Variants in PCDHGB2 observed in about 807,000 individuals in gnomAD.
PCDHGB2 encodes the protein protocadherin gamma-B2.
PCDHGB2 carries 55 observed loss-of-function variants against 59.3 expected under a neutral mutation model. That is an observed-to-expected ratio of 0.93 (90% CI 0.75 to 1.16). The LOEUF is 1.16. PCDHGB2 is among the 50% of genes most tolerant of loss of function. PCDHGB2 has a pLI of 0.00. For synonymous variants in PCDHGB2, 516 were observed against 512.0 expected, an observed-to-expected ratio of 1.01 and a Z score of -0.11; for missense variants, 1,228 against 1,198.5, an observed-to-expected ratio of 1.02 and a Z score of -0.36.
Position 141,375,827 on chromosome 5 carries a change from G to T in PCDHGB2, c.2421+13271G>T, listed in dbSNP as rs779058063. On this transcript the variant is annotated intron_variant, in intron 1 of 3. Transcript: ENST00000522605. ...TGGCGTGGAGCTGGCGCCCCGCTCC[G>T]CAGAGCCCGGCTACCTGGTGACCAA... The T allele has an allele frequency of 4.3e-6, 7 of 1,614,136 alleles. No individual in the cohort carries two copies. The highest frequency in any genetic ancestry group is 2.7e-5 in the African/African-American group (2 of 75,070).
rs781026604 is a variant in PCDHGB2, at chr5:141,490,471, C to G, written c.2422-4336C>G. ...CCACTACTCGCTGCTAACCAGCCAG[C>G]CTTTGGACCGGGAGGCCACATCCCA... On this transcript the variant is annotated intron_variant, in intron 1 of 3. Coordinates refer to ENST00000522605, the MANE Select transcript of PCDHGB2 (RefSeq NM_018923.3). The surrounding 1 kb of genome is among the most constrained non-coding windows in gnomAD (Gnocchi z 5.4). 12 of 1,614,096 alleles carry G rather than the reference C, an allele frequency of 7.4e-6. No homozygotes were observed. The highest frequency in any genetic ancestry group is 1.1e-5 in the South Asian group (1 of 91,092).
chr5:141,400,314 C>G (rs764415393), intron 1 of PCDHGB2: 1 of 1,614,078 alleles, frequency 6.2e-7, no homozygotes, highest in Non-Finnish European at 8.5e-7. Flanking sequence ...GTCTCTGTGT[C>G]AAGTCTGGAC....
chr5:141,414,124 G>C, intron 1 of PCDHGB2: 1 of 1,592,872 alleles, frequency 6.3e-7, no homozygotes, highest in Non-Finnish European at 8.6e-7. Context: ...TGAAGAAACC[G>C]GTTTCTATGA....
At chr5:141,435,334 T>C (rs1223377462) in intron 1 of PCDHGB2, among the ~76,000 whole-genome samples, 1 of 152,196 alleles carries the variant, frequency 6.6e-6, no homozygotes, top group East Asian at 1.9e-4. Context: ...ATATAGTGAA[T>C]TTATTTCTTC....
At chr5:141,474,557 G>T (rs1261720500) in intron 1 of PCDHGB2, among the ~76,000 whole-genome samples, 2 of 152,184 alleles carry the variant, frequency 1.3e-5, no homozygotes, top group Admixed American at 1.3e-4. Context: ...AAAACTGGGG[G>T]TTTTCAGAGA....
chr5:141,487,771 T>C lies in PCDHGB2; in HGVS notation c.2422-7036T>C. The C allele has an allele frequency of 1.3e-6, 2 of 1,537,446 alleles. No homozygotes were observed. Among genetic ancestry groups the C allele is most frequent in the South Asian group, 2.4e-5 (2 of 82,456 alleles). ...ACTATGTGGTAGACGCTGTGCTTTGTAACTGTTTCGTGAATTAACCAGAGT... is the reference window on the plus strand; with the variant it reads ...ACTATGTGGTAGACGCTGTGCTTTGCAACTGTTTCGTGAATTAACCAGAGT... On this transcript the variant is annotated intron_variant, in intron 1 of 3. Coordinates refer to ENST00000522605, the MANE Select transcript of PCDHGB2 (RefSeq NM_018923.3). This position sits in a 1 kb window ranked among gnomAD's most constrained non-coding sequence, Gnocchi z 5.0.
At position 141,491,561 on chromosome 5, in the gene PCDHGB2, A is replaced by C. The variant is rs1289732955; in HGVS notation, c.2422-3246A>C. The C allele has an allele frequency of 1.2e-6, 2 of 1,613,938 alleles. No homozygotes were observed. Among genetic ancestry groups the C allele is most frequent in the Admixed American group, 3.3e-5 (2 of 60,016 alleles). On this transcript the variant is annotated intron_variant, in intron 1 of 3. Transcript: ENST00000522605. This position sits in a 1 kb window ranked among gnomAD's most constrained non-coding sequence, Gnocchi z 6.9. ...CCCACAGACTCGCAGAGCCACTGCT[A>C]CAGGACGTGCTTTTCACCGGCCTCG...
intron 1 of PCDHGB2, chr5:141,415,563 T>G: frequency 1.2e-6 from 2 of 1,614,168 alleles, no homozygotes; most frequent in Non-Finnish European, 1.7e-6. Flanking sequence ...ATCCTTTGTC[T>G]TTGTTAGATG....
intron 1 of PCDHGB2, among the ~76,000 whole-genome samples, chr5:141,407,776 A>G (rs1248399145): frequency 2.0e-5 from 3 of 152,234 alleles, no homozygotes; most frequent in Non-Finnish European, 4.4e-5. Context: ...TGTGCATAAT[A>G]GATTTATTTA....
Position 141,432,488 on chromosome 5 carries a change from C to G in PCDHGB2, c.2422-62319C>G. 6.2e-7 allele frequency: 1 copy of G among 1,614,202 alleles called. No homozygotes were observed. Among genetic ancestry groups the G allele is most frequent in the Non-Finnish European group, 8.5e-7 (1 of 1,180,048 alleles). On this transcript the variant is annotated intron_variant, in intron 1 of 3. Coordinates refer to ENST00000522605, the MANE Select transcript of PCDHGB2 (RefSeq NM_018923.3). This position sits in a 1 kb window ranked among gnomAD's most constrained non-coding sequence, Gnocchi z 6.0. ...CACGGACGGTTCCACTGGCGTGGAGCTGGCTCCCCGCTCCGCAGAGCCCGG... is the reference window on the plus strand; with the variant it reads ...CACGGACGGTTCCACTGGCGTGGAGGTGGCTCCCCGCTCCGCAGAGCCCGG...
intron 1 of PCDHGB2, chr5:141,423,905 G>T: frequency 7.9e-7 from 1 of 1,273,594 alleles, no homozygotes; most frequent in Non-Finnish European, 9.9e-7. Flanking sequence ...GATTTCAAAG[G>T]GGCCATTCAA....
chr5:141,375,842 C>T, intron 1 of PCDHGB2: 2 of 1,614,122 alleles, frequency 1.2e-6, no homozygotes, highest in East Asian at 4.5e-5. Flanking sequence ...GCCCGGCTAC[C>T]TGGTGACCAA....
At chr5:141,418,539 A>G (rs984639830) in intron 1 of PCDHGB2, 14 of 1,614,034 alleles carry the variant, frequency 8.7e-6, no homozygotes, top group Non-Finnish European at 1.0e-5. Context: ...GGTACTGCTC[A>G]GATAAGAATC....
chr5:141,394,608 G>A lies in PCDHGB2; in HGVS notation c.2421+32052G>A, dbSNP rs749049825. 15 of 1,613,420 alleles carry A rather than the reference G, an allele frequency of 9.3e-6. No homozygotes were observed. The African/African-American group carries it at 1.9e-4, about 20-fold the overall frequency. ...GGTGGTGGCGGTGGACAGAGACTCGGGCCAGAACGCCTGGCTGTCCTACCG... is the reference window on the plus strand; with the variant it reads ...GGTGGTGGCGGTGGACAGAGACTCGAGCCAGAACGCCTGGCTGTCCTACCG... On this transcript the variant is annotated intron_variant, in intron 1 of 3. Transcript: ENST00000522605.
intron 1 of PCDHGB2, chr5:141,385,127 T>C: frequency 6.2e-7 from 1 of 1,614,222 alleles, no homozygotes. Context: ...TTTGTGGGCA[T>C]GGACGGGGTG....
At chr5:141,379,080 G>C (rs1467577464) in intron 1 of PCDHGB2, 1 of 152,176 alleles carries the variant, frequency 6.6e-6, no homozygotes, top group Non-Finnish European at 1.5e-5. Flanking sequence ...ATCTGAATTT[G>C]TTATGAATGT....
chr5:141,360,534 C>G lies in PCDHGB2; in HGVS notation c.399C>G (p.Phe133Leu), dbSNP rs1163305635. 1 of 1,613,938 alleles carries G rather than the reference C, an allele frequency of 6.2e-7. No individual in the cohort carries two copies. Among genetic ancestry groups the G allele is most frequent in the Admixed American group, 1.7e-5 (1 of 60,018 alleles). Residue 133 changes from phenylalanine to leucine, a missense_variant, in exon 1 of 4, where the codon TTC becomes TTG. Coordinates refer to ENST00000522605, the MANE Select transcript of PCDHGB2 (RefSeq NM_018923.3). ...VQDINDNTPL[F>L]KQTKINLKIG... ...ATATAAATGATAATACCCCGCTATTCAAACAGACTAAGATTAATTTAAAAA... is the reference window on the plus strand; with the variant it reads ...ATATAAATGATAATACCCCGCTATTGAAACAGACTAAGATTAATTTAAAAA...
rs1018097924 is a variant in PCDHGB2 at position 141,413,435 on chromosome 5, G to C, written c.2421+50879G>C. Reference sequence around the variant, plus strand: ...TTCTCTCTGAACCCGCGCAGCGGCAGCTTGATCACCGCGGGCAGGATAGAC... The same window carrying C: ...TTCTCTCTGAACCCGCGCAGCGGCACCTTGATCACCGCGGGCAGGATAGAC... On this transcript the variant is annotated intron_variant, in intron 1 of 3. Transcript: ENST00000522605. The C allele has an allele frequency of 6.2e-6, 10 of 1,614,004 alleles. No homozygotes were observed. The Admixed American group carries it at 1.7e-4, about 27-fold the overall frequency.
At chr5:141,464,470 C>T (rs1175806879) in intron 1 of PCDHGB2, among the ~76,000 whole-genome samples, 3 of 151,194 alleles carry the variant, frequency 2.0e-5, no homozygotes, top group Non-Finnish European at 2.9e-5. Flanking sequence ...GAAGTATGTA[C>T]GTATAATAAA....
Sources: allele counts gnomAD v4.1 joint callset (sites outside exome capture counted in the v4.1 genomes callset), GRCh38; gene constraint gnomAD v4.1.1; non-coding constraint Gnocchi (gnomAD v3.1); transcripts MANE v1.5; gene names NCBI Gene and HGNC (gene_info 2026-07-23, HGNC 2026-07-21).